The following RIMS2 variants were observed in gnomAD, a reference collection of about 807,000 sequenced individuals.
RIMS2 encodes the protein regulating synaptic membrane exocytosis protein 2.
Under a neutral mutation model 174.4 loss-of-function variants are expected in RIMS2, and 59 were observed. The ratio of observed to expected loss-of-function variants is 0.34; its 90% CI spans 0.27 to 0.42. The LOEUF (loss-of-function observed/expected upper bound fraction) is 0.42. Among genes scored for constraint, RIMS2 ranks in the 10% least tolerant of loss-of-function variants. The pLI is 1.00. For missense variants in RIMS2, 1,620 were observed against 1,666.3 expected, an observed-to-expected ratio of 0.97 and a Z score of 0.48; for synonymous variants, 606 against 572.5, an observed-to-expected ratio of 1.06 and a Z score of -0.84.
intron 19 of RIMS2, among the ~76,000 whole-genome samples, chr8:104,128,880 A>T (rs2098452349): frequency 6.6e-6 from 1 of 152,164 alleles, no homozygotes; most frequent in Admixed American, 6.5e-5. Flanking sequence ...TTACATTTGC[A>T]GGAGGAAAAA....
chr8:104,165,783 C>G (rs1244954192), intron 19 of RIMS2, among the ~76,000 whole-genome samples: 12 of 151,920 alleles, frequency 7.9e-5, no homozygotes, highest in Admixed American at 6.6e-4. Flanking sequence ...GAATATCAGA[C>G]TAGCACTAAG....
chr8:104,198,522 G>A (rs996624194), intron 19 of RIMS2, among the ~76,000 whole-genome samples: 1 of 152,168 alleles, frequency 6.6e-6, no homozygotes, highest in African/African-American at 2.4e-5. Flanking sequence ...TGGGTACCCA[G>A]AACCAAATTC....
At chr8:104,094,906 G>A (rs2097730503) in intron 19 of RIMS2, among the ~76,000 whole-genome samples, 1 of 152,056 alleles carries the variant, frequency 6.6e-6, no homozygotes, top group Admixed American at 6.6e-5. Flanking sequence ...TTATTAAACA[G>A]TCTTGAATTT....
chr8:104,095,682 AT>A, intron 19 of RIMS2, among the ~76,000 whole-genome samples: 1 of 151,784 alleles, frequency 6.6e-6, no homozygotes, highest in Non-Finnish European at 1.5e-5. Context: ...AATTATGTAC[AT>A]TTTGGAGGGA....
At chr8:103,534,366 A>G (rs1351372319) in intron 1 of RIMS2, among the ~76,000 whole-genome samples, 2 of 152,352 alleles carry the variant, frequency 1.3e-5, no homozygotes, top group African/African-American at 2.4e-5. Flanking sequence ...TGAAGCAAGT[A>G]CAAAAGACAT....
At chr8:104,086,823 G>T (rs542538217) in intron 19 of RIMS2, among the ~76,000 whole-genome samples, 2 of 152,142 alleles carry the variant, frequency 1.3e-5, no homozygotes, top group African/African-American at 4.8e-5. Flanking sequence ...GAGATCACAG[G>T]TCTTGATACA....
rs566716256 is a variant in RIMS2 at position 103,505,138 on chromosome 8, G to A, written c.176+4076G>A. 2.4e-4 allele frequency among the ~76,000 whole-genome samples: 37 copies of A among 152,146 alleles called. No homozygotes were observed. The South Asian group carries it at 4.2e-3, about 17-fold the overall frequency. ...CAAAGTGTTGGGATTACAGGTGTGA[G>A]CAACCCGCAGCCCCCAAATTTCTTA... is the stretch of plus-strand genomic sequence containing the variant. On this transcript the variant is annotated intron_variant, in intron 1 of 23. Coordinates refer to ENST00000504942, the Ensembl canonical transcript of RIMS2.
intron 17 of RIMS2, among the ~76,000 whole-genome samples, chr8:104,003,851 C>T (rs6993567): frequency 0.67 from 101,567 of 151,998 alleles, 34,714 homozygotes; most frequent in Middle Eastern, 0.71. Context: ...CTATAGACTA[C>T]GTGAATGATC....
rs142881956 is a variant in RIMS2, at chr8:103,768,772, GAAGGT to G, written c.698+2239_698+2243del. The stretch of plus-strand genomic sequence containing the variant: ...TGTTGTAAGAAAGCCTTTAAACAAA[GAAGGT>G]AAGAAACCTAGGACCAAAGCACCCA... On this transcript the variant is annotated intron_variant, in intron 3 of 23. Coordinates refer to ENST00000504942, the Ensembl canonical transcript of RIMS2. 960 of 740,478 alleles carry G rather than the reference GAAGGT, an allele frequency of 1.3e-3. 9 individuals are homozygous for G. The African/African-American group carries it at 0.015, about 11-fold the overall frequency. The allele number at this position is 740,478 out of a possible 1,614,324, so 45.9% of individuals were successfully genotyped here. A position where few individuals can be genotyped will look rare whatever the true frequency, so the allele number is the denominator to read the frequency against.
intron 1 of RIMS2, among the ~76,000 whole-genome samples, chr8:103,549,289 A>C (rs1423498662): frequency 6.6e-6 from 1 of 152,230 alleles, no homozygotes; most frequent in Non-Finnish European, 1.5e-5. Flanking sequence ...AAATTCTACA[A>C]GCCAGAAGAG....
chr8:103,825,446 ATTTTTT>A (rs35460743), intron 3 of RIMS2, among the ~76,000 whole-genome samples: 3 of 131,828 alleles, frequency 2.3e-5, no homozygotes, highest in Non-Finnish European at 3.2e-5. Context: ...TGGCTAGCTA[ATTTTTT>A]TTTTTTTTTT....
At chr8:103,590,113 G>T (rs1194701523) in intron 1 of RIMS2, among the ~76,000 whole-genome samples, 2 of 151,428 alleles carry the variant, frequency 1.3e-5, no homozygotes, top group Non-Finnish European at 3.0e-5. Context: ...AAGAATAAAT[G>T]CTTGAGATGG....
At chr8:104,173,113 G>A (rs897824986) in intron 19 of RIMS2, among the ~76,000 whole-genome samples, 1 of 152,012 alleles carries the variant, frequency 6.6e-6, no homozygotes, top group South Asian at 2.1e-4. Flanking sequence ...TCTGCTTTTG[G>A]TGCATTTAAC....
chr8:103,834,908 C>A (rs368868186), intron 3 of RIMS2, among the ~76,000 whole-genome samples: 3 of 151,608 alleles, frequency 2.0e-5, no homozygotes, highest in African/African-American at 7.3e-5. Context: ...GTAGCTGGGA[C>A]TACAGGCATG....
chr8:103,926,030 C>T (rs1309323096), intron 10 of RIMS2, among the ~76,000 whole-genome samples: 4 of 151,386 alleles, frequency 2.6e-5, no homozygotes, highest in African/African-American at 9.7e-5. Flanking sequence ...AGGTTGATTT[C>T]AGAAGTCTGT....
intron 19 of RIMS2, among the ~76,000 whole-genome samples, chr8:104,163,355 G>A (rs1203489805): frequency 6.6e-6 from 1 of 152,098 alleles, no homozygotes; most frequent in Non-Finnish European, 1.5e-5. Flanking sequence ...TATGGTATGT[G>A]CCAACTATTG....
intron 19 of RIMS2, among the ~76,000 whole-genome samples, chr8:104,139,546 ATTTC>A (rs2098549590): frequency 6.6e-6 from 1 of 151,966 alleles, no homozygotes; most frequent in African/African-American, 2.4e-5. Context: ...TACTTTCTTG[ATTTC>A]TTTTTCAGAT....
chr8:104,213,005 ACAAT>A (rs1197789486), intron 19 of RIMS2, among the ~76,000 whole-genome samples: 1 of 152,114 alleles, frequency 6.6e-6, no homozygotes, highest in East Asian at 1.9e-4. Flanking sequence ...TTCAAGTCTC[ACAAT>A]CAAAGAAACT....
intron 3 of RIMS2, among the ~76,000 whole-genome samples, chr8:103,818,272 T>C (rs10103621): frequency 0.4 from 61,042 of 151,856 alleles, 12,703 homozygotes; most frequent in African/African-American, 0.44. Flanking sequence ...AGGGCTGGAT[T>C]TATTAAAGAA....
Sources: allele counts gnomAD v4.1 joint callset (sites outside exome capture counted in the v4.1 genomes callset), GRCh38; gene constraint gnomAD v4.1.1; transcripts MANE v1.5; gene names NCBI Gene and HGNC (gene_info 2026-07-23, HGNC 2026-07-21).